RAB11FIP4: variants seen among roughly 807,000 people sequenced by gnomAD.
The protein encoded by RAB11FIP4 is RAB11 family interacting protein 4.
In RAB11FIP4, 23 loss-of-function variants were observed where a neutral mutation model predicts 74.3. The observed-to-expected ratio is 0.31, with a 90% CI of 0.22 to 0.44. RAB11FIP4 has a LOEUF of 0.44. Among genes scored for constraint, RAB11FIP4 ranks in the 20% least tolerant of loss-of-function variants. The pLI is 1.00. For synonymous variants in RAB11FIP4, 360 were observed against 359.9 expected (o/e 1.00, Z 0.00); for missense variants, 630 against 863.9 (o/e 0.73, Z 3.39).
chr17:31,466,051 G>A (rs1037740238), intron 3 of RAB11FIP4, among the ~76,000 whole-genome samples: 1 of 151,992 alleles, frequency 6.6e-6, no homozygotes, highest in South Asian at 2.1e-4. Flanking sequence ...GGGCGAGACA[G>A]GAGAATCGCT....
At chr17:31,461,623 G>A (rs567633013) in intron 3 of RAB11FIP4, among the ~76,000 whole-genome samples, 46 of 152,188 alleles carry the variant, frequency 3.0e-4, no homozygotes, top group South Asian at 1.5e-3. Context: ...TGTCTCATCT[G>A]CAAATCACCT....
In RAB11FIP4 at chr17:31,488,041, T is replaced by A; in HGVS notation, c.337-29610T>A. On this transcript the variant is annotated intron_variant, in intron 3 of 14. Coordinates refer to ENST00000621161, the MANE Select transcript of RAB11FIP4 (RefSeq NM_032932.6). The stretch of plus-strand genomic sequence containing the variant: ...GGCGCCTCGTGATGTCACCGCAGCT[T>A]GATACAAAGAGCCCTTCGGCCCACG... 3 of 1,012,936 alleles carry A rather than the reference T, an allele frequency of 3.0e-6. No homozygotes were observed. In the South Asian group the frequency reaches 1.4e-4, roughly 47 times the overall value. 62.7% of individuals were successfully genotyped at this position (1,012,936 alleles called of 1,614,324 possible).
intron 1 of RAB11FIP4, among the ~76,000 whole-genome samples, chr17:31,426,599 CTTTTT>C (rs59839758): frequency 8.2e-6 from 1 of 122,062 alleles, no homozygotes; most frequent in East Asian, 2.4e-4. Flanking sequence ...TTTTCTTTTC[CTTTTT>C]TTTTTTTTTT....
chr17:31,442,438 G>A (rs997099015), intron 3 of RAB11FIP4, among the ~76,000 whole-genome samples: 1 of 152,136 alleles, frequency 6.6e-6, no homozygotes, highest in Non-Finnish European at 1.5e-5. Flanking sequence ...CAGACCCCAC[G>A]AGCCAAATCT....
chr17:31,515,293 CAT>C (rs1006879424), intron 3 of RAB11FIP4, among the ~76,000 whole-genome samples: 7 of 151,790 alleles, frequency 4.6e-5, no homozygotes, highest in African/African-American at 1.7e-4. Flanking sequence ...AGATTAATGA[CAT>C]GTGGGTGGAA....
chr17:31,394,831 ACC>A (rs921779358), intron 1 of RAB11FIP4, among the ~76,000 whole-genome samples: 9 of 149,984 alleles, frequency 6.0e-5, no homozygotes, highest in African/African-American at 2.2e-4. Context: ...TGCTGTATTG[ACC>A]GAGACCCGTG....
Position 31,437,366 on chromosome 17 carries a change from C to T in RAB11FIP4, c.336+3244C>T, listed in dbSNP as rs543986761. ...TAGCAAGGTCAAGACCACAGCTCTG[C>T]AGATGAGGTGTCAGAGTGGGCTGGA... On this transcript the variant is annotated intron_variant, in intron 3 of 14. Transcript: ENST00000621161. Among the ~76,000 whole-genome samples, 16 of 152,298 alleles carry T rather than the reference C, an allele frequency of 1.1e-4. 1 individual carries two copies. In the South Asian group the frequency reaches 2.7e-3, roughly 26 times the overall value.
At chr17:31,479,368 G>A (rs766431252) in intron 3 of RAB11FIP4, among the ~76,000 whole-genome samples, 5 of 152,152 alleles carry the variant, frequency 3.3e-5, no homozygotes, top group Admixed American at 6.5e-5. Context: ...AAAGGCTTCC[G>A]CTAATTCAAA....
At chr17:31,433,566 C>T (rs568325806) in intron 2 of RAB11FIP4, among the ~76,000 whole-genome samples, 107 of 152,324 alleles carry the variant, frequency 7.0e-4, no homozygotes, top group Non-Finnish European at 6.8e-4. Context: ...CGAGGCCAGC[C>T]GTGTACAGAG....
chr17:31,495,785 A>G (rs1207003417), intron 3 of RAB11FIP4, among the ~76,000 whole-genome samples: 1 of 152,206 alleles, frequency 6.6e-6, no homozygotes, highest in Non-Finnish European at 1.5e-5. Context: ...ATCAGTTATT[A>G]GCAAAGAAGG....
At chr17:31,405,386 T>C (rs1420328984) in intron 1 of RAB11FIP4, among the ~76,000 whole-genome samples, 1 of 152,110 alleles carries the variant, frequency 6.6e-6, no homozygotes, top group Non-Finnish European at 1.5e-5. Flanking sequence ...TTTTTTTTTT[T>C]TGAGACGGAG....
chr17:31,404,310 C>G (rs761618712), intron 1 of RAB11FIP4, among the ~76,000 whole-genome samples: 4 of 152,232 alleles, frequency 2.6e-5, no homozygotes, highest in Non-Finnish European at 5.9e-5. Flanking sequence ...TGCTCTCCGC[C>G]CCGTCCCCAC....
rs35537135 is a variant in RAB11FIP4 at position 31,421,555 on chromosome 17, CTT to C, written c.160-10241_160-10240del. 5.9e-3 allele frequency among the ~76,000 whole-genome samples: 601 copies of C among 102,332 alleles called. 5 individuals carry two copies. Among genetic ancestry groups the C allele is most frequent in the Middle Eastern group, 0.019 (3 of 158 alleles). The allele number at this position is 102,332 out of a possible 152,430, so 67.1% of individuals were successfully genotyped here. A position where few individuals can be genotyped will look rare whatever the true frequency, so the allele number is the denominator to read the frequency against. ...GTTTAATTATATTATAGTCACAGGA[CTT>C]TTTTTTTTTTTTTTTTGAGACAGAG... On this transcript the variant is annotated intron_variant, in intron 1 of 14. Transcript: ENST00000621161.
intron 3 of RAB11FIP4, among the ~76,000 whole-genome samples, chr17:31,447,024 C>T (rs979539326): frequency 6.6e-6 from 1 of 152,112 alleles, no homozygotes; most frequent in East Asian, 1.9e-4. Flanking sequence ...GTGGCTCTCG[C>T]CTGTAATCCC....
In RAB11FIP4 at chr17:31,483,054, G is replaced by A. The variant is rs535249378; in HGVS notation, c.337-34597G>A. Among the ~76,000 whole-genome samples the A allele has an allele frequency of 3.1e-4, 47 of 151,998 alleles. 1 individual carries two copies. Among genetic ancestry groups the A allele is most frequent in the Non-Finnish European group, 5.9e-5 (4 of 67,966 alleles). On this transcript the variant is annotated intron_variant, in intron 3 of 14. Coordinates refer to ENST00000621161, the MANE Select transcript of RAB11FIP4 (RefSeq NM_032932.6). The stretch of plus-strand genomic sequence containing the variant: ...CTAAAAATACAAAAATTAGCCAGGC[G>A]TGGTGTCATGCGCCTATAGTCCCAG...
At chr17:31,398,153 C>T (rs972406767) in intron 1 of RAB11FIP4, among the ~76,000 whole-genome samples, 7 of 152,178 alleles carry the variant, frequency 4.6e-5, no homozygotes, top group Non-Finnish European at 1.5e-5. Context: ...ATTCTCTCAC[C>T]TCAGCCTCCC....
chr17:31,511,393 C>T (rs1375825789), intron 3 of RAB11FIP4, among the ~76,000 whole-genome samples: 1 of 152,228 alleles, frequency 6.6e-6, no homozygotes. Context: ...ACAGCTGATC[C>T]AGCATCAGAC....
rs1374989512 is a variant in RAB11FIP4, at chr17:31,505,679, T to TA, written c.337-11972_337-11971insA. Reference sequence around the variant, plus strand: ...ATAATAATTATATAATACATAATTATTATAATATATAATAATTATATATAA... The same window carrying TA: ...ATAATAATTATATAATACATAATTATATATAATATATAATAATTATATATAA... On this transcript the variant is annotated intron_variant, in intron 3 of 14. Coordinates refer to ENST00000621161, the MANE Select transcript of RAB11FIP4 (RefSeq NM_032932.6). Among the ~76,000 whole-genome samples, 8 of 77,828 alleles carry TA rather than the reference T, an allele frequency of 1.0e-4. 1 individual carries two copies. The highest frequency in any genetic ancestry group is 7.0e-4 in the East Asian group (3 of 4,300). 51.1% of individuals were successfully genotyped at this position (77,828 alleles called of 152,430 possible). A position where few individuals can be genotyped will look rare whatever the true frequency, so the allele number is the denominator to read the frequency against.
intron 1 of RAB11FIP4, among the ~76,000 whole-genome samples, chr17:31,421,708 C>G (rs1425077992): frequency 6.6e-6 from 1 of 150,382 alleles, no homozygotes; most frequent in Non-Finnish European, 1.5e-5. Context: ...CAGGTGCCCA[C>G]CACCACGCCC....
Sources: gnomAD v4.1 joint callset for allele counts (sites outside exome capture counted in the v4.1 genomes callset) on GRCh38, gnomAD v4.1.1 for gene constraint, MANE v1.5 for transcripts, NCBI Gene and HGNC (gene_info 2026-07-23, HGNC 2026-07-21) for gene names.